Variants in EGFLAM observed in about 807,000 individuals in gnomAD.
EGFLAM encodes pikachurin.
Under a neutral mutation model 113.1 loss-of-function variants are expected in EGFLAM, and 79 were observed. That is an observed-to-expected ratio of 0.70 (90% CI 0.58 to 0.84). The LOEUF (loss-of-function observed/expected upper bound fraction) is 0.84, where lower values mean the gene tolerates loss of function less well. Ranked by LOEUF, EGFLAM falls within the 40% of genes least tolerant of loss-of-function variation. The pLI is 0.00. For synonymous variants in EGFLAM, 504 were observed against 487.6 expected (o/e 1.03, Z -0.44); for missense variants, 1,265 against 1,291.6 (o/e 0.98, Z 0.32).
At chr5:38,390,172 C>T (rs1334694191) in intron 6 of EGFLAM, among the ~76,000 whole-genome samples, 2 of 152,108 alleles carry the variant, frequency 1.3e-5, no homozygotes, top group Admixed American at 6.6e-5. Context: ...ATGATTCCCC[C>T]CATCACTTTT....
At chr5:38,343,014 A>G (rs530345703) in intron 3 of EGFLAM, among the ~76,000 whole-genome samples, 2 of 152,284 alleles carry the variant, frequency 1.3e-5, no homozygotes, top group South Asian at 4.1e-4. Context: ...GAGAAAACTT[A>G]CAGGAATCAG....
chr5:38,402,926 C>A (rs1741161657), intron 6 of EGFLAM, among the ~76,000 whole-genome samples: 2 of 152,270 alleles, frequency 1.3e-5, no homozygotes, highest in South Asian at 2.1e-4. Context: ...TGAAGAGAAT[C>A]TTAACCTTGT....
intron 6 of EGFLAM, among the ~76,000 whole-genome samples, chr5:38,390,130 C>T (rs1190296566): frequency 6.6e-6 from 1 of 152,124 alleles, no homozygotes; most frequent in South Asian, 2.1e-4. Flanking sequence ...ATTCCCTTCC[C>T]GCTTCCTGAG....
chr5:38,417,291 T>C (rs891621308), intron 11 of EGFLAM, among the ~76,000 whole-genome samples: 3 of 129,556 alleles, frequency 2.3e-5, no homozygotes, highest in Non-Finnish European at 3.1e-5. Context: ...GAGGTTACGG[T>C]GAGCCAGGAT....
At chr5:38,377,736 T>C (rs6881629) in intron 6 of EGFLAM, among the ~76,000 whole-genome samples, 1 of 150,804 alleles carries the variant, frequency 6.6e-6, no homozygotes, top group Non-Finnish European at 1.5e-5. Flanking sequence ...ACAAATAGAG[T>C]AAAAGAGGGA....
Position 38,462,933 on chromosome 5 carries a change from G to A in EGFLAM, c.2797G>A (p.Val933Met), listed in dbSNP as rs374237322. ...VRDGQSGKIT[V>M]DDYGARTGKS... ...GGATGGCCAGTCAGGAAAGATAACC[G>A]TGGATGACTATGGAGCCAGAACAGG... Residue 933 changes from valine to methionine, a missense_variant, in exon 21 of 22, where the codon GTG (valine) becomes ATG (methionine). Physicochemically the swap from Val to Met is conservative, Grantham distance 21. Coordinates refer to ENST00000322350, the MANE Select transcript of EGFLAM (RefSeq NM_152403.4). 42 of 1,614,026 alleles carry A rather than the reference G, an allele frequency of 2.6e-5. No homozygotes were observed. The highest frequency in any genetic ancestry group is 3.3e-5 in the Admixed American group (2 of 60,008).
intron 1 of EGFLAM, among the ~76,000 whole-genome samples, chr5:38,293,756 G>A (rs977778646): frequency 7.2e-5 from 11 of 151,950 alleles, no homozygotes; most frequent in African/African-American, 2.2e-4. Flanking sequence ...TATGTGATTT[G>A]GTGTCTACAC....
chr5:38,300,007 G>A (rs1174373827), intron 1 of EGFLAM, among the ~76,000 whole-genome samples: 1 of 152,208 alleles, frequency 6.6e-6, no homozygotes, highest in East Asian at 1.9e-4. Context: ...CAATGTATAT[G>A]TGTAGTACTA....
intron 6 of EGFLAM, among the ~76,000 whole-genome samples, chr5:38,381,495 A>C (rs1184175930): frequency 6.6e-6 from 1 of 152,174 alleles, no homozygotes; most frequent in African/African-American, 2.4e-5. Context: ...TTTTCTAGGG[A>C]TCTCAGTAGT....
At chr5:38,458,223 T>G (rs1051508177) in intron 19 of EGFLAM, 88 bp from the exon 20 acceptor site, 43 of 1,245,452 alleles carry the variant, frequency 3.5e-5, no homozygotes, top group Non-Finnish European at 4.6e-5. Flanking sequence ...GCAAAGAACT[T>G]TTGCCCTGAG....
At chr5:38,432,090 G>GA (rs1742206653) in intron 15 of EGFLAM, among the ~76,000 whole-genome samples, 1 of 152,164 alleles carries the variant, frequency 6.6e-6, no homozygotes, top group South Asian at 2.1e-4. Context: ...AGCCTGCTAG[G>GA]ATTCTGCGAA....
intron 12 of EGFLAM, among the ~76,000 whole-genome samples, chr5:38,422,293 C>T (rs1741852472): frequency 6.6e-6 from 1 of 152,094 alleles, no homozygotes; most frequent in East Asian, 1.9e-4. Context: ...GTATACATGA[C>T]CTTGCCACAC....
chr5:38,420,972 C>T (rs1741801430), intron 12 of EGFLAM, among the ~76,000 whole-genome samples: 1 of 152,178 alleles, frequency 6.6e-6, no homozygotes, highest in African/African-American at 2.4e-5. Flanking sequence ...CATTTCATTT[C>T]CCCCGGGGTT....
chr5:38,279,873 G>T (rs547158208), intron 1 of EGFLAM, among the ~76,000 whole-genome samples: 1 of 152,120 alleles, frequency 6.6e-6, no homozygotes, highest in Non-Finnish European at 1.5e-5. Flanking sequence ...TGTTAAGTGG[G>T]CCTAACATAG....
chr5:38,259,065 C>G (rs967989016), intron 1 of EGFLAM, among the ~76,000 whole-genome samples: 12 of 152,218 alleles, frequency 7.9e-5, no homozygotes, highest in African/African-American at 2.9e-4. Flanking sequence ...AAAGAATGAT[C>G]AATTTTCCAG....
intron 3 of EGFLAM, among the ~76,000 whole-genome samples, chr5:38,347,936 T>G (rs752639755): frequency 3.9e-5 from 6 of 151,950 alleles, no homozygotes; most frequent in Non-Finnish European, 7.4e-5. Context: ...CAGAAACACA[T>G]TCAAGTGATA....
chr5:38,405,207 A>T (rs1741244837), intron 6 of EGFLAM, among the ~76,000 whole-genome samples: 1 of 152,198 alleles, frequency 6.6e-6, no homozygotes, highest in South Asian at 2.1e-4. Flanking sequence ...ACATATAAAA[A>T]ATATGAATAT....
Position 38,465,109 on chromosome 5 carries a change from A to C in EGFLAM, c.*1123A>C, listed in dbSNP as rs1743426799. On this transcript the variant is annotated 3_prime_UTR_variant, in exon 22 of 22. Coordinates refer to ENST00000322350, the MANE Select transcript of EGFLAM (RefSeq NM_152403.4). ...GGACACTAATACAATCAGTGTTCCCAAGGCTGTGCAGGGGTGGGGGGACAT... is the reference window on the plus strand; with the variant it reads ...GGACACTAATACAATCAGTGTTCCCCAGGCTGTGCAGGGGTGGGGGGACAT... The C allele has an allele frequency of 6.6e-6, 1 of 152,368 alleles. No individual in the cohort carries two copies. The highest frequency in any genetic ancestry group is 1.5e-5 in the Non-Finnish European group (1 of 68,166). 9.4% of individuals were successfully genotyped at this position (152,368 alleles called of 1,614,324 possible). A position where few individuals can be genotyped will look rare whatever the true frequency, so the allele number is the denominator to read the frequency against.
At chr5:38,396,503 G>A (rs568759346) in intron 6 of EGFLAM, among the ~76,000 whole-genome samples, 5 of 152,296 alleles carry the variant, frequency 3.3e-5, no homozygotes, top group Admixed American at 6.5e-5. Flanking sequence ...GATTTGGCTC[G>A]TATAGAAAAC....
Sources: gnomAD v4.1 joint callset for allele counts (sites outside exome capture counted in the v4.1 genomes callset) on GRCh38, gnomAD v4.1.1 for gene constraint, MANE v1.5 for transcripts, NCBI Gene and HGNC (gene_info 2026-07-23, HGNC 2026-07-21) for gene names.